PACRG: variants seen among roughly 807,000 people sequenced by gnomAD.
PACRG encodes parkin coregulated gene protein.
Under a neutral mutation model 29.7 loss-of-function variants are expected in PACRG, and 29 were observed. That is an observed-to-expected ratio of 0.98 (90% confidence interval 0.73 to 1.33). PACRG has a LOEUF of 1.33. PACRG is among the 40% of genes most tolerant of loss of function. The probability of loss-of-function intolerance (pLI) is 0.00; values close to 1 mark genes in which losing one functional copy is unlikely to be tolerated. For synonymous variants in PACRG, 116 were observed against 118.7 expected (o/e 0.98, Z 0.15); for missense variants, 279 against 316.2 (o/e 0.88, Z 0.89).
intron 2 of PACRG, among the ~76,000 whole-genome samples, chr6:162,858,233 C>T (rs1027100737): frequency 2.0e-5 from 3 of 152,164 alleles, no homozygotes; most frequent in Admixed American, 6.5e-5. Flanking sequence ...GGAAACTTAA[C>T]AATCACGGTG....
At chr6:163,272,426 T>G (rs1343282084) in intron 4 of PACRG, among the ~76,000 whole-genome samples, 3 of 152,188 alleles carry the variant, frequency 2.0e-5, no homozygotes, top group Admixed American at 6.5e-5. Flanking sequence ...TTTTAGAAAA[T>G]TTACAATCCT....
chr6:163,212,441 G>A (rs1781182458), intron 4 of PACRG, among the ~76,000 whole-genome samples: 1 of 152,082 alleles, frequency 6.6e-6, no homozygotes, highest in Admixed American at 6.5e-5. Context: ...CAGAACTAAG[G>A]CAGGAAAAGT....
At chr6:163,150,749 C>T (rs541841488) in intron 4 of PACRG, among the ~76,000 whole-genome samples, 5 of 152,328 alleles carry the variant, frequency 3.3e-5, no homozygotes, top group Non-Finnish European at 7.3e-5. Context: ...CTGCTTTGAC[C>T]AGTGAAATCT....
chr6:162,916,527 G>A (rs1796705780), intron 2 of PACRG, among the ~76,000 whole-genome samples: 1 of 152,036 alleles, frequency 6.6e-6, no homozygotes, highest in Non-Finnish European at 1.5e-5. Context: ...CTTATGTTAT[G>A]CAGTACCTTC....
intron 4 of PACRG, among the ~76,000 whole-genome samples, chr6:163,168,529 T>G (rs1325469371): frequency 1.4e-5 from 2 of 143,882 alleles, no homozygotes; most frequent in Middle Eastern, 7.0e-3. Flanking sequence ...AAGCATTGCA[T>G]GAAATCTGCT....
At chr6:163,244,364 G>T (rs16894696) in intron 4 of PACRG, among the ~76,000 whole-genome samples, 11,014 of 152,040 alleles carry the variant, frequency 0.072, 824 homozygotes, top group East Asian at 0.21. Context: ...TTTTCTGTAA[G>T]GTCGGGCCAA....
Position 162,764,748 on chromosome 6 carries a change from T to C in PACRG, c.156+36357T>C, listed in dbSNP as rs116545060. On this transcript the variant is annotated intron_variant, in intron 1 of 4. Transcript: ENST00000366888. ...TTAAAAAAACCTCTGGAATCCAAACTTTTTTTTTTTTTTGAGACAGAGTCT... is the reference window on the plus strand; with the variant it reads ...TTAAAAAAACCTCTGGAATCCAAACCTTTTTTTTTTTTTGAGACAGAGTCT... 6.8e-3 allele frequency among the ~76,000 whole-genome samples: 828 copies of C among 122,638 alleles called. 8 individuals carry two copies. The highest frequency in any genetic ancestry group is 0.021 in the African/African-American group (790 of 37,896). The allele number at this position is 122,638 out of a possible 152,430, so 80.5% of individuals were successfully genotyped here.
At chr6:162,778,123 G>T (rs1303738265) in intron 1 of PACRG, among the ~76,000 whole-genome samples, 1 of 152,130 alleles carries the variant, frequency 6.6e-6, no homozygotes, top group Non-Finnish European at 1.5e-5. Flanking sequence ...TCGGTGTTTT[G>T]GGGGGAGGAA....
intron 1 of PACRG, among the ~76,000 whole-genome samples, chr6:162,745,027 G>A (rs966301058): frequency 2.0e-5 from 3 of 151,840 alleles, no homozygotes; most frequent in Non-Finnish European, 4.4e-5. Context: ...CTTTTTCTAT[G>A]TTATTTATTT....
At chr6:163,221,807 C>T (rs1781590241) in intron 4 of PACRG, among the ~76,000 whole-genome samples, 1 of 152,072 alleles carries the variant, frequency 6.6e-6, no homozygotes, top group African/African-American at 2.4e-5. Context: ...AGGCCTTTGC[C>T]TATTAAAGGA....
chr6:163,058,497 C>T (rs150928527), intron 2 of PACRG, among the ~76,000 whole-genome samples: 65 of 152,168 alleles, frequency 4.3e-4, no homozygotes, highest in African/African-American at 1.5e-3. Context: ...TGAAGGCTGG[C>T]CGTGGTTCCT....
chr6:162,763,114 T>C (rs1015982120), intron 1 of PACRG, among the ~76,000 whole-genome samples: 1 of 152,230 alleles, frequency 6.6e-6, no homozygotes, highest in African/African-American at 2.4e-5. Context: ...ATTTACAATA[T>C]CCATTCAAAC....
intron 4 of PACRG, chr6:163,312,877 C>CA: frequency 2.7e-6 from 1 of 372,814 alleles, no homozygotes. Context: ...CTCAGCCTCT[C>CA]AAGTAGCTGA....
chr6:163,020,278 C>T (rs78246620), intron 2 of PACRG, among the ~76,000 whole-genome samples: 1,950 of 152,192 alleles, frequency 0.013, 45 homozygotes, highest in African/African-American at 0.042. Flanking sequence ...GTGAATACAC[C>T]GGTCACCTTG....
chr6:163,057,816 A>G (rs1366948665), intron 2 of PACRG, among the ~76,000 whole-genome samples: 1 of 152,206 alleles, frequency 6.6e-6, no homozygotes, highest in Admixed American at 6.5e-5. Context: ...TTAGTAAATG[A>G]CATTCTTTAC....
chr6:163,057,032 A>G (rs1365073677), intron 2 of PACRG, among the ~76,000 whole-genome samples: 1 of 152,214 alleles, frequency 6.6e-6, no homozygotes, highest in Non-Finnish European at 1.5e-5. Flanking sequence ...CTCAGGAGTA[A>G]AACAGCGTGA....
intron 4 of PACRG, among the ~76,000 whole-genome samples, chr6:163,107,869 C>A (rs1160275705): frequency 6.6e-6 from 1 of 152,186 alleles, no homozygotes; most frequent in African/African-American, 2.4e-5. Flanking sequence ...CTATAAATTT[C>A]TCCAAAATCC....
chr6:163,009,849 G>T (rs1283781129), intron 2 of PACRG, among the ~76,000 whole-genome samples: 1 of 152,090 alleles, frequency 6.6e-6, no homozygotes, highest in Non-Finnish European at 1.5e-5. Context: ...CTTTATTGTT[G>T]TTATAAAATT....
rs76736487 is a variant in PACRG at position 163,189,508 on chromosome 6, T to C, written c.613+100100T>C. The C allele has an allele frequency of 2.9e-3, 446 of 152,380 alleles. 2 individuals are homozygous for C. Among genetic ancestry groups the C allele is most frequent in the African/African-American group, 9.8e-3 (407 of 41,600 alleles). The allele number at this position is 152,380 out of a possible 1,614,324, so 9.4% of individuals were successfully genotyped here. On this transcript the variant is annotated intron_variant, in intron 4 of 4. Transcript: ENST00000366888. The stretch of plus-strand genomic sequence containing the variant: ...TATGCCCAGCTTATTCATTATCTGA[T>C]ACCTTTAAAGGCTGAATGGCATTGC...
Sources: gnomAD v4.1 joint callset for allele counts (sites outside exome capture counted in the v4.1 genomes callset) on GRCh38, gnomAD v4.1.1 for gene constraint, MANE v1.5 for transcripts, NCBI Gene and HGNC (gene_info 2026-07-23, HGNC 2026-07-21) for gene names.